RPL6: variants seen among roughly 807,000 people sequenced by gnomAD.
The protein encoded by RPL6 is ribosomal protein L6.
Under a neutral mutation model 32.1 loss-of-function variants are expected in RPL6, and 1 was observed. That is an observed-to-expected ratio of 0.03 (90% CI 0.01 to 0.15). The LOEUF is 0.15. RPL6 is among the 10% of genes least tolerant of loss of function. The pLI, the probability that RPL6 is intolerant of heterozygous loss-of-function variation, is 1.00. For missense variants in RPL6, 275 were observed against 354.6 expected (o/e 0.78, Z 1.80); for synonymous variants, 126 against 131.6 (o/e 0.96, Z 0.29).
Position 112,406,789 on chromosome 12 carries a change from G to C in RPL6, c.438C>G (p.Pro146=), listed in dbSNP as rs553391319. The C allele has an allele frequency of 6.2e-7, 1 of 1,614,230 alleles. No homozygotes were observed. The highest frequency in any genetic ancestry group is 8.5e-7 in the Non-Finnish European group (1 of 1,180,020). ...HVRKLRASIT[P]GTILIILTGR... is the part of the protein sequence containing the mutation. ...CAGTGAGGATGATCAGAATGGTCCCGGGGGTAATGCTGGCTCGCAGTTTTC... is the reference window on the plus strand; with the variant it reads ...CAGTGAGGATGATCAGAATGGTCCCCGGGGTAATGCTGGCTCGCAGTTTTC... The change falls in exon 4 of 7, where the codon CCC becomes CCG. Residue 146 remains proline (P), a synonymous_variant. Transcript: ENST00000202773.
Position 112,406,122 on chromosome 12 carries a change from T to C in RPL6, c.530-85A>G, listed in dbSNP as rs530399884. 6.5e-5 allele frequency: 86 copies of C among 1,327,756 alleles called. No individual in the cohort carries two copies. In the East Asian group the frequency reaches 1.7e-3, roughly 26 times the overall value. The allele number at this position is 1,327,756 out of a possible 1,614,324, so 82.2% of individuals were successfully genotyped here. A position where few individuals can be genotyped will look rare whatever the true frequency, so the allele number is the denominator to read the frequency against. ...AGGTGACCATTACTTGTTATGTTGC[T>C]ACACAAAGAAGACCACTTGTCTAAC... is the stretch of plus-strand genomic sequence containing the variant. On this transcript the variant is annotated intron_variant, in intron 5 of 6. Coordinates refer to ENST00000202773, the MANE Select transcript of RPL6 (RefSeq NM_000970.6).
rs1260522971 is a variant in RPL6, at chr12:112,406,359, AAAT to A, written c.481-20_481-18del. 1.9e-6 allele frequency: 3 copies of A among 1,607,890 alleles called. No homozygotes were observed. Among genetic ancestry groups the A allele is most frequent in the South Asian group, 1.1e-5 (1 of 90,638 alleles). ...AACCACCCTCTGTAAGTTAAAAAGA[AAAT>A]AATTAGTTTTCTGCAATTAAAAACT... is the stretch of plus-strand genomic sequence containing the variant. On this transcript the variant is annotated intron_variant, in intron 4 of 6. Coordinates refer to ENST00000202773, the MANE Select transcript of RPL6 (RefSeq NM_000970.6).
At chr12:112,410,840 G>C (rs1178536828), upstream of RPL6, among the ~76,000 whole-genome samples, 1 of 152,026 alleles carries the variant, frequency 6.6e-6, no homozygotes, top group Non-Finnish European at 1.5e-5. Flanking sequence ...CTCCCAAAGT[G>C]CTAGGATTAC....
At position 112,408,459 on chromosome 12, in the gene RPL6, C is replaced by T. The variant is rs747898996; in HGVS notation, c.198G>A (p.Lys66=). 28 of 1,614,062 alleles carry T rather than the reference C, an allele frequency of 1.7e-5. No individual in the cohort carries two copies. The highest frequency in any genetic ancestry group is 2.3e-5 in the Non-Finnish European group (27 of 1,180,054). The change falls in exon 2 of 7, where the codon AAG becomes AAA. Residue 66 remains lysine, a synonymous_variant. Coordinates refer to ENST00000202773, the MANE Select transcript of RPL6 (RefSeq NM_000970.6). ...CTGAGTACTTCCTCTTGTACATGGC[C>T]TTTCTGGAATACATGGCAGATCGGG... is the stretch of plus-strand genomic sequence containing the variant. ...RYSRSAMYSR[K]AMYKRKYSAA...
At chr12:112,415,410 A>T (rs1006798158) in intron 1 of RPL6, among the ~76,000 whole-genome samples, 26 of 152,038 alleles carry the variant, frequency 1.7e-4, no homozygotes, top group Non-Finnish European at 2.9e-4. Context: ...GTCTAAAAAA[A>T]TTTTTTTAAA....
At chr12:112,416,181 C>G (rs1219633697) in intron 1 of RPL6, among the ~76,000 whole-genome samples, 1 of 146,126 alleles carries the variant, frequency 6.8e-6, no homozygotes, top group Non-Finnish European at 1.5e-5. Context: ...GCTCTGTTGC[C>G]CAGGCTGGAG....
At chr12:112,412,197 G>A (rs909657029), upstream of RPL6, among the ~76,000 whole-genome samples, 6 of 152,086 alleles carry the variant, frequency 3.9e-5, no homozygotes, top group African/African-American at 1.4e-4. Context: ...CCGCCACCAT[G>A]CCTGACTAAT....
upstream of RPL6, among the ~76,000 whole-genome samples, chr12:112,409,966 G>C (rs936100655): frequency 6.8e-6 from 1 of 147,678 alleles, no homozygotes; most frequent in Admixed American, 6.9e-5. Context: ...AGCCAAGATC[G>C]CGACACTGCG....
chr12:112,410,934 T>G (rs962148869), upstream of RPL6, among the ~76,000 whole-genome samples: 1 of 152,242 alleles, frequency 6.6e-6, no homozygotes, highest in Admixed American at 6.5e-5. Flanking sequence ...ATCAACATCC[T>G]AGTTGTTGTC....
intron 1 of RPL6, 94 bp from the exon 2 acceptor site, chr12:112,408,750 C>T (rs900082883): frequency 1.9e-6 from 2 of 1,074,254 alleles, no homozygotes; most frequent in Non-Finnish European, 2.7e-6. Flanking sequence ...GGCTGGGCTC[C>T]CCAGACTACA....
At chr12:112,414,857 A>G (rs761321508), upstream of RPL6, among the ~76,000 whole-genome samples, 7 of 151,994 alleles carry the variant, frequency 4.6e-5, no homozygotes, top group Non-Finnish European at 7.4e-5. Context: ...GTGAGTCGAG[A>G]TCACGCCACT....
chr12:112,407,013 A>G, intron 3 of RPL6, 123 bp from the exon 4 acceptor site: 1 of 958,394 alleles, frequency 1.0e-6, no homozygotes, highest in Non-Finnish European at 1.5e-6. Context: ...TATTTATATG[A>G]TTCCATTTTC....
intron 1 of RPL6, 130 bp downstream of exon 1, chr12:112,409,457 T>C: frequency 5.0e-6 from 2 of 398,710 alleles, no homozygotes. Context: ...ATGAAGCGTC[T>C]GGAAGGCCTC....
chr12:112,409,204 T>C (rs933752329), intron 1 of RPL6: 3 of 357,892 alleles, frequency 8.4e-6, no homozygotes, highest in Non-Finnish European at 1.5e-5. Flanking sequence ...ACGCGAAACC[T>C]TTTGGCTTCA....
At chr12:112,415,956 GT>G (rs772887157) in intron 1 of RPL6, among the ~76,000 whole-genome samples, 366 of 117,040 alleles carry the variant, frequency 3.1e-3, no homozygotes, top group Non-Finnish European at 4.1e-3. Context: ...TAGTTTTGCA[GT>G]TTTTTTTTTT....
intron 3 of RPL6, chr12:112,407,252 C>T (rs1421142168): frequency 5.3e-6 from 1 of 190,226 alleles, no homozygotes; most frequent in Non-Finnish European, 1.1e-5. Context: ...AAAGTGTGTC[C>T]ATATCCTAGC....
intron 3 of RPL6, chr12:112,407,538 AT>A (rs1437347059): frequency 1.3e-5 from 2 of 152,916 alleles, no homozygotes; most frequent in African/African-American, 4.8e-5. Context: ...TCATGCAGTA[AT>A]CTTCAACTGT....
intron 1 of RPL6, chr12:112,409,078 C>T: frequency 4.2e-6 from 1 of 236,500 alleles, no homozygotes; most frequent in Non-Finnish European, 8.0e-6. Flanking sequence ...AGACCAGTGT[C>T]TCTTTTCAAG....
chr12:112,406,715 C>A (rs2037179650), intron 4 of RPL6, 32 bp downstream of exon 4: 1 of 1,611,438 alleles, frequency 6.2e-7, no homozygotes, highest in Non-Finnish European at 8.5e-7. Flanking sequence ...CAGGCAGCTG[C>A]AGTGAAGCGC....
Sources: allele counts gnomAD v4.1 joint callset (sites outside exome capture counted in the v4.1 genomes callset), GRCh38; gene constraint gnomAD v4.1.1; transcripts MANE v1.5; gene names NCBI Gene and HGNC (gene_info 2026-07-23, HGNC 2026-07-21).